FSTL5: variants seen among roughly 807,000 people sequenced by gnomAD.
FSTL5 encodes the protein follistatin-related protein 5.
In FSTL5, 62 loss-of-function variants were observed where a neutral mutation model predicts 89.1. That is an observed-to-expected ratio of 0.70 (90% CI 0.57 to 0.86). The LOEUF (loss-of-function observed/expected upper bound fraction) is 0.86. FSTL5 is among the 40% of genes least tolerant of loss of function. FSTL5 has a pLI of 0.00. For synonymous variants in FSTL5, 383 were observed against 346.2 expected, an observed-to-expected ratio of 1.11 and a Z score of -1.18; for missense variants, 1,057 against 1,001.6, an observed-to-expected ratio of 1.06 and a Z score of -0.75.
chr4:161,887,598 T>G (rs2126917978), intron 4 of FSTL5, among the ~76,000 whole-genome samples: 1 of 152,282 alleles, frequency 6.6e-6, no homozygotes. Context: ...TAGCATCTTT[T>G]AATTTTTCTT....
Position 161,784,879 on chromosome 4 carries a change from C to G in FSTL5, c.410-8805G>C, listed in dbSNP as rs557069715. Among the ~76,000 whole-genome samples, 64 of 68,560 alleles carry G rather than the reference C, an allele frequency of 9.3e-4. 3 individuals carry two copies. The South Asian group carries it at 0.033, about 35-fold the overall frequency. The allele number at this position is 68,560 out of a possible 152,430, so 45.0% of individuals were successfully genotyped here. A position where few individuals can be genotyped will look rare whatever the true frequency, so the allele number is the denominator to read the frequency against. ...ACTGCACTCCAGTCTGGCGACAGAG[C>G]AAGACTCCGTCTCAAAAAAAACAAA... On this transcript the variant is annotated intron_variant, in intron 4 of 15. Coordinates refer to ENST00000306100, the MANE Select transcript of FSTL5 (RefSeq NM_020116.5).
intron 10 of FSTL5, among the ~76,000 whole-genome samples, chr4:161,524,539 T>A (rs1454746166): frequency 6.8e-6 from 1 of 146,324 alleles, no homozygotes; most frequent in Non-Finnish European, 1.6e-5. Flanking sequence ...TAATTTGGCT[T>A]TTTTTTCATG....
intron 2 of FSTL5, among the ~76,000 whole-genome samples, chr4:162,078,286 A>G (rs961285051): frequency 2.0e-5 from 3 of 151,932 alleles, no homozygotes; most frequent in African/African-American, 7.2e-5. Context: ...CCTGGAACAA[A>G]TAAATCATTT....
intron 2 of FSTL5, among the ~76,000 whole-genome samples, chr4:162,098,329 T>C (rs1363263495): frequency 6.6e-6 from 1 of 151,870 alleles, no homozygotes; most frequent in East Asian, 1.9e-4. Context: ...GAAGCGGAGA[T>C]TGATAGAGAA....
chr4:161,980,419 T>G (rs1735793402), intron 3 of FSTL5, among the ~76,000 whole-genome samples: 1 of 152,130 alleles, frequency 6.6e-6, no homozygotes, highest in African/African-American at 2.4e-5. Context: ...ACAAGTTCTG[T>G]GTATGACACC....
chr4:161,486,399 C>T (rs1263558314), intron 12 of FSTL5, among the ~76,000 whole-genome samples: 1 of 151,900 alleles, frequency 6.6e-6, no homozygotes, highest in Non-Finnish European at 1.5e-5. Context: ...GATGTTGAGA[C>T]AAAGGAGGGG....
intron 6 of FSTL5, among the ~76,000 whole-genome samples, chr4:161,750,396 A>C (rs1052989564): frequency 6.6e-6 from 1 of 152,186 alleles, no homozygotes; most frequent in Non-Finnish European, 1.5e-5. Flanking sequence ...GGTAAGAAAA[A>C]AGAATGAATA....
At position 161,558,200 on chromosome 4, in the gene FSTL5, C is replaced by T. The variant is rs114308128; in HGVS notation, c.1016-15507G>A. 1.5e-3 allele frequency among the ~76,000 whole-genome samples: 229 copies of T among 151,804 alleles called. 1 individual carries two copies. Among genetic ancestry groups the T allele is most frequent in the African/African-American group, 5.3e-3 (219 of 41,448 alleles). On this transcript the variant is annotated intron_variant, in intron 8 of 15. Transcript: ENST00000306100. ...TAATATTCTTGAAATAATAAACTAT[C>T]GAAAGGAAGAGCAGATTAGTGGCTG...
intron 1 of FSTL5, among the ~76,000 whole-genome samples, chr4:162,153,759 T>TATGTATA (rs1554004007): frequency 4.7e-4 from 47 of 100,000 alleles, no homozygotes; most frequent in African/African-American, 1.5e-3. Context: ...TACATGTATA[T>TATGTATA]ATACATGTAT....
Position 162,141,106 on chromosome 4 carries a change from C to CTTTTTT in FSTL5, c.-17+22503_-17+22508dup, listed in dbSNP as rs3032092. On this transcript the variant is annotated intron_variant, in intron 1 of 15. Coordinates refer to ENST00000306100, the MANE Select transcript of FSTL5 (RefSeq NM_020116.5). ...AGTGTGGCACCTCCCTCCCTTCTCT[C>CTTTTTT]TTTTTTTTTTTTTTTTTTTTTTTTT... is the stretch of plus-strand genomic sequence containing the variant. Among the ~76,000 whole-genome samples the CTTTTTT allele has an allele frequency of 1.1e-3, 48 of 44,010 alleles. 5 individuals carry two copies. The highest frequency in any genetic ancestry group is 3.3e-3 in the African/African-American group (37 of 11,260). The allele number at this position is 44,010 out of a possible 152,430, so 28.9% of individuals were successfully genotyped here. A position where few individuals can be genotyped will look rare whatever the true frequency, so the allele number is the denominator to read the frequency against.
At chr4:161,878,615 G>T (rs1028007102) in intron 4 of FSTL5, among the ~76,000 whole-genome samples, 1 of 151,816 alleles carries the variant, frequency 6.6e-6, no homozygotes, top group African/African-American at 2.4e-5. Context: ...TTAGAATTGT[G>T]AAATTTAAGA....
At chr4:161,582,635 A>G (rs1165844385) in intron 8 of FSTL5, among the ~76,000 whole-genome samples, 2 of 152,156 alleles carry the variant, frequency 1.3e-5, no homozygotes, top group African/African-American at 4.8e-5. Flanking sequence ...TTACCCCACC[A>G]TTTCTAGATA....
chr4:162,126,847 T>C (rs1732100204), intron 1 of FSTL5, among the ~76,000 whole-genome samples: 1 of 152,166 alleles, frequency 6.6e-6, no homozygotes, highest in African/African-American at 2.4e-5. Flanking sequence ...CATGTGTGCA[T>C]GTGGGCCTGA....
chr4:161,675,587 A>C (rs983850723), intron 6 of FSTL5, among the ~76,000 whole-genome samples: 1 of 151,686 alleles, frequency 6.6e-6, no homozygotes, highest in African/African-American at 2.4e-5. Flanking sequence ...TCATGAAAAC[A>C]TAAATTTGGA....
chr4:161,817,940 T>C (rs359138), intron 4 of FSTL5, among the ~76,000 whole-genome samples: 41,822 of 152,088 alleles, frequency 0.27, 5,822 homozygotes, highest in Admixed American at 0.28. Flanking sequence ...GAGGGCGTAG[T>C]CCCTGGCTCG....
chr4:161,628,424 G>A (rs17041261), intron 7 of FSTL5, among the ~76,000 whole-genome samples: 26,087 of 152,034 alleles, frequency 0.17, 2,330 homozygotes, highest in Middle Eastern at 0.32. Context: ...CCAGAAATAT[G>A]ACAGCCTTGA....
At chr4:162,008,763 T>C (rs1344187904) in intron 3 of FSTL5, among the ~76,000 whole-genome samples, 1 of 151,954 alleles carries the variant, frequency 6.6e-6, no homozygotes, top group African/African-American at 2.4e-5. Flanking sequence ...GGCCATTCTT[T>C]TTAAATATTT....
chr4:161,603,373 G>T (rs1444061827), intron 7 of FSTL5, among the ~76,000 whole-genome samples: 2 of 152,142 alleles, frequency 1.3e-5, no homozygotes, highest in Non-Finnish European at 2.9e-5. Context: ...AATCGGATAG[G>T]ATTAGTAGTG....
intron 4 of FSTL5, among the ~76,000 whole-genome samples, chr4:161,832,614 T>C (rs1211485362): frequency 6.6e-6 from 1 of 152,070 alleles, no homozygotes; most frequent in Admixed American, 6.6e-5. Context: ...CTTGGGAGGG[T>C]GTATGTGTCG....
Sources: allele counts gnomAD v4.1 joint callset (sites outside exome capture counted in the v4.1 genomes callset), GRCh38; gene constraint gnomAD v4.1.1; transcripts MANE v1.5; gene names NCBI Gene and HGNC (gene_info 2026-07-23, HGNC 2026-07-21).